The following DHX37 variants were observed in gnomAD, a reference collection of about 807,000 sequenced individuals.
DHX37 encodes the protein probable ATP-dependent RNA helicase DHX37.
In DHX37, 52 loss-of-function variants were observed where a neutral mutation model predicts 134.3. The observed-to-expected ratio is 0.39, with a 90% CI of 0.31 to 0.49. The LOEUF is 0.49. DHX37 is among the 20% of genes least tolerant of loss of function. The pLI, the probability that DHX37 is intolerant of heterozygous loss-of-function variation, is 0.93. For synonymous variants in DHX37, 634 were observed against 670.7 expected, an observed-to-expected ratio of 0.95 and a Z score of 0.85; for missense variants, 1,344 against 1,580.8, an observed-to-expected ratio of 0.85 and a Z score of 2.54.
rs7960694 is a variant in DHX37, at chr12:124,952,748, G to C, written c.2696-178C>G. On this transcript the variant is annotated intron_variant, in intron 20 of 26. Coordinates refer to ENST00000308736, the MANE Select transcript of DHX37 (RefSeq NM_032656.4). ...GCCCCCAGCAGGCAGGATTGCAGCCGCCCCCCCATTCCCTCCTTCTCCCTT... is the reference window on the plus strand; with the variant it reads ...GCCCCCAGCAGGCAGGATTGCAGCCCCCCCCCCATTCCCTCCTTCTCCCTT... 2.0e-3 allele frequency: 954 copies of C among 482,424 alleles called. 7 individuals are homozygous for C. The highest frequency in any genetic ancestry group is 2.4e-3 in the Non-Finnish European group (726 of 296,658). The allele number at this position is 482,424 out of a possible 1,614,324, so 29.9% of individuals were successfully genotyped here. A position where few individuals can be genotyped will look rare whatever the true frequency, so the allele number is the denominator to read the frequency against.
rs200782087 is a variant in DHX37 at position 124,965,765 on chromosome 12, G to A, written c.1638C>T (p.Gly546=). 5.8e-4 allele frequency: 923 copies of A among 1,595,854 alleles called. No individual in the cohort carries two copies. The highest frequency in any genetic ancestry group is 7.3e-4 in the Non-Finnish European group (862 of 1,174,768). The change falls in exon 13 of 27, where the codon GGC becomes GGT. Residue 546 remains glycine, a synonymous_variant. Transcript: ENST00000308736. ...CTGCCTCCCTGTCCTCATCGCCTTCGCCTGCCGGTAACACCGAGTAATGAT... is the reference window on the plus strand; with the variant it reads ...CTGCCTCCCTGTCCTCATCGCCTTCACCTGCCGGTAACACCGAGTAATGAT... ...NLDHYSVLPA[G]EGDEDREAEV...
chr12:124,953,856 C>T (rs770567940), intron 20 of DHX37, 24 bp downstream of exon 20: 45 of 1,605,476 alleles, frequency 2.8e-5, no homozygotes, highest in East Asian at 9.0e-5. Context: ...CCGGGTGCAG[C>T]GGCGTGCCGG....
intron 14 of DHX37, 68 bp downstream of exon 14, chr12:124,964,862 C>G: frequency 1.3e-6 from 2 of 1,511,966 alleles, no homozygotes; most frequent in Non-Finnish European, 1.8e-6. Flanking sequence ...CCACCAAGGG[C>G]TTGACCAACC....
In DHX37 at chr12:124,966,855, A is replaced by G; in HGVS notation, c.1528T>C (p.Ser510Pro). 1.2e-6 allele frequency: 2 copies of G among 1,614,078 alleles called. No individual in the cohort carries two copies. The highest frequency in any genetic ancestry group is 1.7e-6 in the Non-Finnish European group (2 of 1,180,034). ...PQEKDDDQKD[S>P]VEEMRKFKKS... ...TTAAACTTCCGCATTTCCTCCACCG[A>G]GTCTTTCTGATCGTCGTCCTTTTCT... The change falls in exon 12 of 27, where the codon TCG becomes CCG. Residue 510 changes from serine to proline, a missense_variant. This residue lies in a region of DHX37 where 289 missense variants were observed against 323.8 expected (regional missense o/e 0.89). Transcript: ENST00000308736.
Position 124,986,247 on chromosome 12 carries a change from C to T in DHX37, c.125G>A (p.Gly42Glu). ...LELEDKDTLK[G>E]VDASNALVLP... is the part of the protein sequence containing the mutation. ...AACGAGCGCGTTGCTTGCATCAACTCCCTTCAACGTGTCCTTGTCTGAGAG... is the reference window on the plus strand; with the variant it reads ...AACGAGCGCGTTGCTTGCATCAACTTCCTTCAACGTGTCCTTGTCTGAGAG... The change falls in exon 2 of 27, where the codon GGA becomes GAA. Residue 42 changes from glycine (G) to glutamate (E), a missense_variant. By Grantham distance (98) the Gly-to-Glu change is moderately conservative. Around this residue, in one of 7 missense-constraint regions of DHX37, gnomAD observed 319 missense variants for 296.1 expected, o/e 1.08. Transcript: ENST00000308736. 4.3e-6 allele frequency: 7 copies of T among 1,613,942 alleles called. No individual in the cohort carries two copies. The highest frequency in any genetic ancestry group is 5.9e-6 in the Non-Finnish European group (7 of 1,179,998).
intron 5 of DHX37, among the ~76,000 whole-genome samples, chr12:124,976,801 G>C (rs1275579195): frequency 6.7e-6 from 1 of 149,528 alleles, no homozygotes; most frequent in Non-Finnish European, 1.5e-5. Context: ...CTACACTCCA[G>C]CCTGGGCAAC....
rs770231743 is a variant in DHX37, at chr12:124,956,857, G to A, written c.2287C>T (p.Arg763Trp). 24 of 1,597,948 alleles carry A rather than the reference G, an allele frequency of 1.5e-5. No homozygotes were observed. The highest frequency in any genetic ancestry group is 5.6e-5 in the South Asian group (5 of 90,074). The change falls in exon 18 of 27, where the codon CGG becomes TGG. Residue 763 changes from arginine to tryptophan, a missense_variant. This residue lies in a region of DHX37 where 558 missense variants were observed against 650.0 expected (regional missense o/e 0.86). Coordinates refer to ENST00000308736, the MANE Select transcript of DHX37 (RefSeq NM_032656.4). The part of the protein sequence containing the change: ...AERVKQLQEN[R>W]LSCPITALGR... ...AGCGCAGTGATGGGGCAGCTCAGCC[G>A]GTTCTCCTGCAGTTGCTTCACCCTG...
chr12:124,974,499 C>CA lies in DHX37; in HGVS notation c.980+919_980+920insT, dbSNP rs1555213558. On this transcript the variant is annotated intron_variant, in intron 6 of 26. Transcript: ENST00000308736. ...AAGTCCCCCAACTGGCATGCTGACCCGGGGGCCGGTGGCTCTGTCTGGTCC... is the reference window on the plus strand; with the variant it reads ...AAGTCCCCCAACTGGCATGCTGACCCAGGGGGCCGGTGGCTCTGTCTGGTCC... 2.7e-5 allele frequency among the ~76,000 whole-genome samples: 4 copies of CA among 147,706 alleles called. No individual in the cohort carries two copies. The South Asian group carries it at 6.7e-4, about 25-fold the overall frequency.
intron 4 of DHX37, among the ~76,000 whole-genome samples, chr12:124,979,517 T>G (rs1482082203): frequency 6.6e-6 from 1 of 152,236 alleles, no homozygotes; most frequent in African/African-American, 2.4e-5. Flanking sequence ...CTCAGCTGCC[T>G]GCATCAACAT....
intron 15 of DHX37, among the ~76,000 whole-genome samples, chr12:124,963,281 T>G (rs1178600957): frequency 2.0e-5 from 3 of 152,146 alleles, no homozygotes; most frequent in Non-Finnish European, 4.4e-5. Flanking sequence ...TTTATTGCAT[T>G]TATCTGAATT....
chr12:124,980,736 C>A lies in DHX37; in HGVS notation c.492G>T (p.Glu164Asp). 1 of 1,557,254 alleles carries A rather than the reference C, an allele frequency of 6.4e-7. No homozygotes were observed. The highest frequency in any genetic ancestry group is 8.7e-7 in the Non-Finnish European group (1 of 1,152,830). ...RRWPSAEEEE[E>D]EEEESESELE... ...GCTCCGATTCCGACTCCTCCTCCTCCTCCTCCTCCTCCTCAGCTGAGGGCC... is the reference window on the plus strand; with the variant it reads ...GCTCCGATTCCGACTCCTCCTCCTCATCCTCCTCCTCCTCAGCTGAGGGCC... Residue 164 changes from glutamate (E) to aspartate (D), a missense_variant, in exon 4 of 27, where the codon GAG (glutamate) becomes GAT (aspartate). Physicochemically the swap from Glu to Asp is conservative, Grantham distance 45. Coordinates refer to ENST00000308736, the MANE Select transcript of DHX37 (RefSeq NM_032656.4). This position sits in a 1 kb window ranked among gnomAD's most constrained non-coding sequence, Gnocchi z 5.3.
In DHX37 at chr12:124,980,354, A is replaced by G; in HGVS notation, c.738+136T>C. ...CCTGCCACAGCCTCAAGGGAGGCGCAGTCACTCTCCCCTTTCCCAGATGGG... is the reference window on the plus strand; with the variant it reads ...CCTGCCACAGCCTCAAGGGAGGCGCGGTCACTCTCCCCTTTCCCAGATGGG... On this transcript the variant is annotated intron_variant, in intron 4 of 26. Transcript: ENST00000308736. This position sits in a 1 kb window ranked among gnomAD's most constrained non-coding sequence, Gnocchi z 5.3. The G allele has an allele frequency of 9.8e-7, 1 of 1,015,464 alleles. No homozygotes were observed. Among genetic ancestry groups the G allele is most frequent in the Non-Finnish European group, 1.4e-6 (1 of 720,134 alleles). The allele number at this position is 1,015,464 out of a possible 1,614,324, so 62.9% of individuals were successfully genotyped here. A position where few individuals can be genotyped will look rare whatever the true frequency, so the allele number is the denominator to read the frequency against.
chr12:124,948,094 T>A lies in DHX37; in HGVS notation c.3378A>T (p.Lys1126Asn), dbSNP rs1241383521. 2 of 1,614,120 alleles carry A rather than the reference T, an allele frequency of 1.2e-6. No homozygotes were observed. The highest frequency in any genetic ancestry group is 3.3e-5 in the Admixed American group (2 of 60,012). The change falls in exon 26 of 27, where the codon AAA becomes AAT. Residue 1126 changes from lysine (K) to asparagine (N), a missense_variant. This residue lies in a region of DHX37 where 558 missense variants were observed against 650.0 expected (regional missense o/e 0.86). Coordinates refer to ENST00000308736, the MANE Select transcript of DHX37 (RefSeq NM_032656.4). The part of the protein sequence containing the change: ...CHEALLAAWK[K>N]NPKYLLAEYC... ...CCTGGTCAAACTCACATTTGGGGTTTTTCTTCCAAGCAGCCAGCAAGGCTT... is the reference window on the plus strand; with the variant it reads ...CCTGGTCAAACTCACATTTGGGGTTATTCTTCCAAGCAGCCAGCAAGGCTT...
chr12:124,958,145 G>A (rs565562926), intron 16 of DHX37, among the ~76,000 whole-genome samples: 17 of 152,350 alleles, frequency 1.1e-4, no homozygotes, highest in African/African-American at 2.2e-4. Context: ...AAATGGCCAC[G>A]GTGGTGATGT....
At chr12:124,952,634 T>A in intron 20 of DHX37, 64 bp from the exon 21 acceptor site, 1 of 1,470,810 alleles carries the variant, frequency 6.8e-7, no homozygotes, top group East Asian at 2.5e-5. Context: ...TGCCCTGACC[T>A]CCTAGAAAGT....
At chr12:124,950,919 T>C (rs907554712) in intron 21 of DHX37, 115 bp from the exon 22 acceptor site, 1 of 1,372,180 alleles carries the variant, frequency 7.3e-7, no homozygotes, top group African/African-American at 1.5e-5. Flanking sequence ...AGTGGGAGAG[T>C]GCTCCATCTG....
chr12:124,978,490 G>C (rs1954689163), intron 4 of DHX37, among the ~76,000 whole-genome samples: 1 of 150,674 alleles, frequency 6.6e-6, no homozygotes, highest in Non-Finnish European at 1.5e-5. Flanking sequence ...GCTAATTTTT[G>C]TATTTTCAGT....
intron 15 of DHX37, among the ~76,000 whole-genome samples, chr12:124,961,595 A>C (rs1443949693): frequency 6.6e-6 from 1 of 152,078 alleles, no homozygotes; most frequent in Non-Finnish European, 1.5e-5. Context: ...TGCCCAGCTA[A>C]TTTTTGTATT....
At chr12:124,974,321 C>T (rs1954585574) in intron 6 of DHX37, among the ~76,000 whole-genome samples, 1 of 151,958 alleles carries the variant, frequency 6.6e-6, no homozygotes, top group Admixed American at 6.6e-5. Flanking sequence ...TTCCTAGACG[C>T]ATGCCAACTA....
Sources: allele counts gnomAD v4.1 joint callset (sites outside exome capture counted in the v4.1 genomes callset), GRCh38; gene constraint gnomAD v4.1.1; regional missense constraint gnomAD v4.1.1; non-coding constraint Gnocchi (gnomAD v3.1); transcripts MANE v1.5; gene names NCBI Gene and HGNC (gene_info 2026-07-23, HGNC 2026-07-21).